The following ZSWIM6 variants were observed in gnomAD, a reference collection of about 807,000 sequenced individuals.
The protein encoded by ZSWIM6 is zinc finger SWIM-type containing 6.
Under a neutral mutation model 113.2 loss-of-function variants are expected in ZSWIM6, and 9 were observed. The observed-to-expected ratio is 0.08, with a 90% CI of 0.05 to 0.14. ZSWIM6 has a LOEUF of 0.14. ZSWIM6 is among the 10% of genes least tolerant of loss of function. The pLI, the probability that ZSWIM6 is intolerant of heterozygous loss-of-function variation, is 1.00. For missense variants in ZSWIM6, 1,162 were observed against 1,552.2 expected (o/e 0.75, Z 4.22); for synonymous variants, 611 against 606.5 (o/e 1.01, Z -0.11).
intron 1 of ZSWIM6, among the ~76,000 whole-genome samples, chr5:61,367,321 T>A (rs1745180310): frequency 6.6e-6 from 1 of 152,168 alleles, no homozygotes; most frequent in African/African-American, 2.4e-5. Context: ...AGTGGTGCAG[T>A]TATAGCTCAC....
At position 61,541,871 on chromosome 5, in the gene ZSWIM6, CCT is replaced by C; in HGVS notation, c.2704-12_2704-11del. 1 of 1,540,582 alleles carries C rather than the reference CCT, an allele frequency of 6.5e-7. No homozygotes were observed. The highest frequency in any genetic ancestry group is 8.8e-7 in the Non-Finnish European group (1 of 1,139,562). ...ATAATTTTCTAAAACATTTTGTTAC[CCT>C]GTTTTTATAGGTTATGCGAATGACA... On this transcript the variant is annotated splice_polypyrimidine_tract_variant and intron_variant, in intron 12 of 13. Coordinates refer to ENST00000252744, the MANE Select transcript of ZSWIM6 (RefSeq NM_020928.2).
Position 61,364,815 on chromosome 5 carries a change from C to T in ZSWIM6, c.676+31867C>T, listed in dbSNP as rs576160652. 2.6e-5 allele frequency among the ~76,000 whole-genome samples: 4 copies of T among 152,232 alleles called. No individual in the cohort carries two copies. In the South Asian group the frequency reaches 8.3e-4, roughly 32 times the overall value. On this transcript the variant is annotated intron_variant, in intron 1 of 13. Coordinates refer to ENST00000252744, the MANE Select transcript of ZSWIM6 (RefSeq NM_020928.2). Reference sequence around the variant, plus strand: ...ATTCATGAGGGTTCTGCCCTCATGACCTAATCGTCCCTCAGAGGTTCTACC... The same window carrying T: ...ATTCATGAGGGTTCTGCCCTCATGATCTAATCGTCCCTCAGAGGTTCTACC...
chr5:61,346,570 A>G (rs1048890339), intron 1 of ZSWIM6, among the ~76,000 whole-genome samples: 7 of 152,170 alleles, frequency 4.6e-5, no homozygotes, highest in African/African-American at 1.4e-4. Context: ...CTTTAATGCA[A>G]TTTACGTTTT....
At chr5:61,495,070 G>A (rs551956609) in intron 4 of ZSWIM6, among the ~76,000 whole-genome samples, 42 of 152,192 alleles carry the variant, frequency 2.8e-4, no homozygotes, top group African/African-American at 9.9e-4. Flanking sequence ...TTATTATCTT[G>A]TCTTTTTATT....
intron 1 of ZSWIM6, among the ~76,000 whole-genome samples, chr5:61,366,919 T>A (rs1745166788): frequency 7.0e-6 from 1 of 143,548 alleles, no homozygotes. Context: ...CAGAGCGATC[T>A]GCTGTCTCAA....
Position 61,491,270 on chromosome 5 carries a change from T to C in ZSWIM6, c.1182+336T>C, listed in dbSNP as rs113887602. On this transcript the variant is annotated intron_variant, in intron 3 of 13. Transcript: ENST00000252744. ...AAGTTTTTCCCTTTCTAGTTAATTT[T>C]CCCAAGAGAACTTAGTTTTATAATC... 1.4e-4 allele frequency among the ~76,000 whole-genome samples: 21 copies of C among 152,156 alleles called. 2 individuals are homozygous for C. The highest frequency in any genetic ancestry group is 5.1e-4 in the African/African-American group (21 of 41,538).
At chr5:61,358,628 A>C (rs1281739838) in intron 1 of ZSWIM6, among the ~76,000 whole-genome samples, 1 of 152,256 alleles carries the variant, frequency 6.6e-6, no homozygotes, top group Non-Finnish European at 1.5e-5. Flanking sequence ...AAATATTAAG[A>C]AAATTGTAAA....
intron 2 of ZSWIM6, among the ~76,000 whole-genome samples, chr5:61,475,420 T>A (rs1747684719): frequency 6.6e-6 from 1 of 152,212 alleles, no homozygotes; most frequent in Admixed American, 6.5e-5. Flanking sequence ...TAAGGTTGGA[T>A]GAGAGAATGT....
intron 2 of ZSWIM6, among the ~76,000 whole-genome samples, chr5:61,487,218 T>G (rs1748040759): frequency 6.6e-6 from 1 of 152,148 alleles, no homozygotes; most frequent in Non-Finnish European, 1.5e-5. Context: ...GTGGCTTTAT[T>G]TCTGAGTTCT....
chr5:61,479,002 C>T (rs188161492), intron 2 of ZSWIM6, among the ~76,000 whole-genome samples: 2 of 151,990 alleles, frequency 1.3e-5, no homozygotes, highest in Non-Finnish European at 2.9e-5. Flanking sequence ...GAAACCCTGT[C>T]TCTAGTAAAA....
intron 1 of ZSWIM6, among the ~76,000 whole-genome samples, chr5:61,358,639 T>C (rs1332485255): frequency 1.3e-5 from 2 of 152,210 alleles, no homozygotes; most frequent in Non-Finnish European, 2.9e-5. Context: ...AAATTGTAAA[T>C]AGGTGAGGAA....
At chr5:61,398,173 C>T (rs754445104) in intron 1 of ZSWIM6, among the ~76,000 whole-genome samples, 1 of 152,080 alleles carries the variant, frequency 6.6e-6, no homozygotes, top group African/African-American at 2.4e-5. Flanking sequence ...AGGTCCCTGG[C>T]GTTCTAGGAA....
At chr5:61,371,674 A>AT (rs939215070) in intron 1 of ZSWIM6, among the ~76,000 whole-genome samples, 4 of 152,314 alleles carry the variant, frequency 2.6e-5, no homozygotes, top group Admixed American at 2.6e-4. Flanking sequence ...CCAGGGAGCA[A>AT]TTAGGAGGGC....
At chr5:61,425,507 G>A (rs1309783795) in intron 1 of ZSWIM6, among the ~76,000 whole-genome samples, 1 of 152,162 alleles carries the variant, frequency 6.6e-6, no homozygotes, top group Non-Finnish European at 1.5e-5. Flanking sequence ...TATAATTCAT[G>A]CTCTGAGAGT....
intron 1 of ZSWIM6, among the ~76,000 whole-genome samples, chr5:61,420,908 T>C (rs1746342994): frequency 7.0e-6 from 1 of 142,938 alleles, no homozygotes. Flanking sequence ...CTAGGTCTTA[T>C]TCGTTCTATT....
At chr5:61,434,521 C>T (rs1746661539) in intron 1 of ZSWIM6, among the ~76,000 whole-genome samples, 1 of 151,660 alleles carries the variant, frequency 6.6e-6, no homozygotes, top group South Asian at 2.1e-4. Context: ...GTTTAGTTCC[C>T]ACTTGTGAGA....
chr5:61,393,114 A>G (rs753322094), intron 1 of ZSWIM6, among the ~76,000 whole-genome samples: 1 of 151,790 alleles, frequency 6.6e-6, no homozygotes, highest in Non-Finnish European at 1.5e-5. Context: ...ATCTTGGCTC[A>G]CTGCAACCTC....
intron 3 of ZSWIM6, among the ~76,000 whole-genome samples, chr5:61,493,281 A>C (rs1298762656): frequency 6.6e-6 from 1 of 152,136 alleles, no homozygotes; most frequent in Non-Finnish European, 1.5e-5. Flanking sequence ...GAGTAGAAGT[A>C]TGCTGCTGCT....
chr5:61,538,096 AT>A (rs944506609), intron 10 of ZSWIM6, among the ~76,000 whole-genome samples: 2 of 152,108 alleles, frequency 1.3e-5, no homozygotes, highest in Non-Finnish European at 2.9e-5. Flanking sequence ...ACTGATTTAT[AT>A]TTTGTAGAAA....
Sources: gnomAD v4.1 joint callset for allele counts (sites outside exome capture counted in the v4.1 genomes callset) on GRCh38, gnomAD v4.1.1 for gene constraint, MANE v1.5 for transcripts, NCBI Gene and HGNC (gene_info 2026-07-23, HGNC 2026-07-21) for gene names.